Variants in GRIK2 observed in about 807,000 individuals in gnomAD.
GRIK2 encodes the protein glutamate receptor ionotropic, kainate 2.
In GRIK2, 32 loss-of-function variants were observed where a neutral mutation model predicts 100.3. The ratio of observed to expected loss-of-function variants is 0.32; its 90% confidence interval spans 0.24 to 0.43. The LOEUF (loss-of-function observed/expected upper bound fraction) is 0.43, where lower values mean the gene tolerates loss of function less well. Ranked by LOEUF, GRIK2 falls within the 20% of genes least tolerant of loss-of-function variation. The pLI, the probability that GRIK2 is intolerant of heterozygous loss-of-function variation, is 1.00. For synonymous variants in GRIK2, 417 were observed against 389.4 expected (o/e 1.07, Z -0.83); for missense variants, 843 against 1,114.9 (o/e 0.76, Z 3.47).
chr6:101,437,666 A>G (rs578256408), intron 2 of GRIK2, among the ~76,000 whole-genome samples: 74 of 152,258 alleles, frequency 4.9e-4, no homozygotes, highest in African/African-American at 1.7e-3. Flanking sequence ...CAGTACATAC[A>G]GTATAATACT....
intron 2 of GRIK2, among the ~76,000 whole-genome samples, chr6:101,406,734 A>G (rs1413626614): frequency 6.6e-6 from 1 of 152,150 alleles, no homozygotes; most frequent in Non-Finnish European, 1.5e-5. Context: ...GACATTTGAT[A>G]CACAGTCTTT....
At chr6:102,050,778 GT>G (rs1469566824) in intron 15 of GRIK2, among the ~76,000 whole-genome samples, 1 of 151,138 alleles carries the variant, frequency 6.6e-6, no homozygotes, top group Non-Finnish European at 1.5e-5. Context: ...GAAAAGGAGG[GT>G]AGAGGGAGAA....
At chr6:101,973,611 A>G (rs186918439) in intron 14 of GRIK2, among the ~76,000 whole-genome samples, 2 of 151,916 alleles carry the variant, frequency 1.3e-5, no homozygotes, top group East Asian at 3.9e-4. Flanking sequence ...TGTTTTAAAC[A>G]TACTACCAAT....
chr6:101,966,316 A>G (rs1279527702), intron 14 of GRIK2, among the ~76,000 whole-genome samples: 1 of 152,178 alleles, frequency 6.6e-6, no homozygotes, highest in East Asian at 1.9e-4. Flanking sequence ...TAAAAGACAC[A>G]AAAGTTTTAG....
intron 14 of GRIK2, among the ~76,000 whole-genome samples, chr6:101,947,758 A>G (rs1215537424): frequency 6.6e-6 from 1 of 152,194 alleles, no homozygotes; most frequent in African/African-American, 2.4e-5. Context: ...CCCAAATGTT[A>G]TATTTCAATA....
At chr6:101,746,272 T>C (rs1031904907) in intron 7 of GRIK2, among the ~76,000 whole-genome samples, 1 of 152,178 alleles carries the variant, frequency 6.6e-6, no homozygotes, top group African/African-American at 2.4e-5. Context: ...TATATCATCC[T>C]CACAAATAGT....
At chr6:101,978,212 A>G (rs1793513052) in intron 14 of GRIK2, among the ~76,000 whole-genome samples, 1 of 151,918 alleles carries the variant, frequency 6.6e-6, no homozygotes, top group East Asian at 1.9e-4. Flanking sequence ...AAAAGTCTGT[A>G]TATCACAGGT....
rs111285339 is a variant in GRIK2 at position 101,627,117 on chromosome 6, C to CTGTGTGTGTG, written c.541+504_541+513dup. Among the ~76,000 whole-genome samples, 693 of 145,050 alleles carry CTGTGTGTGTG rather than the reference C, an allele frequency of 4.8e-3. 5 individuals are homozygous for CTGTGTGTGTG. Among genetic ancestry groups the CTGTGTGTGTG allele is most frequent in the South Asian group, 0.023 (105 of 4,566 alleles). ...TGTGTGTGTGTGCGTGTGTGTGTCTCTGTGTGTGTGTGTGTGTGTGTGTGT... is the reference window on the plus strand; with the variant it reads ...TGTGTGTGTGTGCGTGTGTGTGTCTCTGTGTGTGTGTGTGTGTGTGTGTGTGTGTGTGTGT... On this transcript the variant is annotated intron_variant, in intron 4 of 16. Coordinates refer to ENST00000369134, the MANE Select transcript of GRIK2 (RefSeq NM_021956.5).
intron 2 of GRIK2, among the ~76,000 whole-genome samples, chr6:101,425,257 G>A (rs1776641590): frequency 6.6e-6 from 1 of 152,166 alleles, no homozygotes; most frequent in Admixed American, 6.5e-5. Context: ...TTCCACAATG[G>A]TTGAACTAGT....
chr6:101,617,302 A>G (rs1779935092), intron 2 of GRIK2, among the ~76,000 whole-genome samples: 1 of 151,862 alleles, frequency 6.6e-6, no homozygotes, highest in Non-Finnish European at 1.5e-5. Context: ...TCTTACTGCT[A>G]TTCCCACCAC....
intron 4 of GRIK2, among the ~76,000 whole-genome samples, chr6:101,642,406 C>A (rs1370011302): frequency 6.6e-6 from 1 of 151,730 alleles, no homozygotes; most frequent in Non-Finnish European, 1.5e-5. Flanking sequence ...ATTTCTCTTT[C>A]CATAGTCTCC....
chr6:101,848,724 C>G (rs1783947352), intron 10 of GRIK2, among the ~76,000 whole-genome samples: 1 of 152,032 alleles, frequency 6.6e-6, no homozygotes, highest in Non-Finnish European at 1.5e-5. Flanking sequence ...ACATGCCAAT[C>G]AAACACATAT....
At chr6:101,563,404 C>T (rs370515999) in intron 2 of GRIK2, among the ~76,000 whole-genome samples, 9 of 152,168 alleles carry the variant, frequency 5.9e-5, no homozygotes, top group South Asian at 2.1e-4. Context: ...CTTAATAATT[C>T]GATTCAGATT....
At chr6:101,823,760 A>G (rs917056778) in intron 10 of GRIK2, among the ~76,000 whole-genome samples, 4 of 151,558 alleles carry the variant, frequency 2.6e-5, no homozygotes, top group African/African-American at 4.8e-5. Flanking sequence ...GCTGTTAGCT[A>G]TGGGAAGTAT....
chr6:102,029,479 T>A (rs2114400165), intron 14 of GRIK2, among the ~76,000 whole-genome samples: 1 of 151,442 alleles, frequency 6.6e-6, no homozygotes, highest in East Asian at 2.0e-4. Context: ...AGTGCATTTT[T>A]ATTCCTTTTC....
At chr6:101,972,787 AT>A (rs1793133438) in intron 14 of GRIK2, among the ~76,000 whole-genome samples, 1 of 151,858 alleles carries the variant, frequency 6.6e-6, no homozygotes, top group African/African-American at 2.4e-5. Flanking sequence ...TCCCTGCACC[AT>A]TTCTTGAATA....
chr6:101,436,384 G>A (rs1769714283), intron 2 of GRIK2, among the ~76,000 whole-genome samples: 1 of 151,008 alleles, frequency 6.6e-6, no homozygotes, highest in African/African-American at 2.4e-5. Flanking sequence ...TTTTTATACT[G>A]AACTCTTAGT....
intron 2 of GRIK2, among the ~76,000 whole-genome samples, chr6:101,513,639 T>C (rs1202681026): frequency 6.6e-6 from 1 of 152,140 alleles, no homozygotes; most frequent in Admixed American, 6.6e-5. Flanking sequence ...TAATGATATA[T>C]AGGGTTAAAT....
At chr6:101,855,801 G>A (rs562106532) in intron 10 of GRIK2, among the ~76,000 whole-genome samples, 10 of 125,386 alleles carry the variant, frequency 8.0e-5, no homozygotes, top group Non-Finnish European at 9.9e-5. Flanking sequence ...AGATTGCTAC[G>A]ACTTTCTGGG....
Sources: gnomAD v4.1 joint callset for allele counts (sites outside exome capture counted in the v4.1 genomes callset) on GRCh38, gnomAD v4.1.1 for gene constraint, MANE v1.5 for transcripts, NCBI Gene and HGNC (gene_info 2026-07-23, HGNC 2026-07-21) for gene names.